Variants in ARHGAP10 observed in about 807,000 individuals in gnomAD.
ARHGAP10 encodes Rho GTPase activating protein 10, also known as rho GTPase-activating protein 10.
In ARHGAP10, 87 loss-of-function variants were observed where a neutral mutation model predicts 108.6. That is an observed-to-expected ratio of 0.80 (90% CI 0.67 to 0.96). The LOEUF is 0.96. ARHGAP10 is among the 40% of genes least tolerant of loss of function. The probability of loss-of-function intolerance (pLI) is 0.00; values close to 1 mark genes in which losing one functional copy is unlikely to be tolerated. For missense variants in ARHGAP10, 939 were observed against 954.5 expected (o/e 0.98, Z 0.21); for synonymous variants, 347 against 341.1 (o/e 1.02, Z -0.19).
At chr4:147,741,800 A>ACGCACACACACG (rs139305144) in intron 1 of ARHGAP10, among the ~76,000 whole-genome samples, 11 of 139,054 alleles carry the variant, frequency 7.9e-5, no homozygotes, top group East Asian at 2.0e-4. Flanking sequence ...ACGCACACAC[A>ACGCACACACACG]CACACACACA....
At chr4:148,025,047 A>G (rs1741714184) in intron 19 of ARHGAP10, among the ~76,000 whole-genome samples, 1 of 152,234 alleles carries the variant, frequency 6.6e-6, no homozygotes. Context: ...GAATCGTAAT[A>G]TCCAGTCAAA....
intron 18 of ARHGAP10, among the ~76,000 whole-genome samples, chr4:147,978,836 T>C (rs139292633): frequency 3.3e-5 from 5 of 152,346 alleles, no homozygotes; most frequent in East Asian, 3.9e-4. Context: ...TTTTTTCATA[T>C]GTTTTTTGGC....
intron 22 of ARHGAP10, among the ~76,000 whole-genome samples, chr4:148,067,441 G>A (rs1729945926): frequency 6.6e-6 from 1 of 152,176 alleles, no homozygotes; most frequent in East Asian, 1.9e-4. Flanking sequence ...AAGACAGACT[G>A]GCAGGTCATC....
chr4:147,779,614 T>A (rs995606215), intron 1 of ARHGAP10, among the ~76,000 whole-genome samples: 3 of 152,070 alleles, frequency 2.0e-5, no homozygotes, highest in African/African-American at 7.2e-5. Flanking sequence ...GACCCAACAT[T>A]TCCTTCAGTT....
In ARHGAP10 at chr4:147,846,177, C is replaced by T. The variant is rs142639443; in HGVS notation, c.313-974C>T. Among the ~76,000 whole-genome samples the T allele has an allele frequency of 7.0e-4, 106 of 152,202 alleles. No individual in the cohort carries two copies. In the East Asian group the frequency reaches 0.016, roughly 23 times the overall value. ...AGTCGCTTATTTTGAGTGTTCCCTA[C>T]GTTAGAGTATGAAGGTCTCTTTGGG... On this transcript the variant is annotated intron_variant, in intron 3 of 22. Transcript: ENST00000336498.
intron 1 of ARHGAP10, among the ~76,000 whole-genome samples, chr4:147,759,451 G>A (rs1022152426): frequency 2.6e-5 from 4 of 152,114 alleles, no homozygotes; most frequent in Non-Finnish European, 5.9e-5. Context: ...GCATGTGCCT[G>A]TAGTACCAGT....
In ARHGAP10 at chr4:147,910,985, A is replaced by T. The variant is rs547470021; in HGVS notation, c.1162+1208A>T. ...TCCTTTGTTCTTTTCTTCTTCTGAC[A>T]CCTTTTCTTCCTTCCTCCCTCCTCC... On this transcript the variant is annotated intron_variant, in intron 12 of 22. Coordinates refer to ENST00000336498, the MANE Select transcript of ARHGAP10 (RefSeq NM_024605.4). Among the ~76,000 whole-genome samples the T allele has an allele frequency of 3.3e-5, 5 of 151,340 alleles. No homozygotes were observed. In the South Asian group the frequency reaches 1.0e-3, roughly 32 times the overall value.
chr4:147,809,770 A>C (rs770017404), intron 1 of ARHGAP10, among the ~76,000 whole-genome samples: 4 of 152,126 alleles, frequency 2.6e-5, no homozygotes, highest in Non-Finnish European at 5.9e-5. Context: ...TTATCATTAG[A>C]TTCTCATAAG....
chr4:147,732,384 A>T lies in ARHGAP10; in HGVS notation c.83A>T (p.Glu28Val). The T allele has an allele frequency of 6.2e-7, 1 of 1,613,448 alleles. No homozygotes were observed. The highest frequency in any genetic ancestry group is 8.5e-7 in the Non-Finnish European group (1 of 1,179,650). ...GAGAGGATCCGCGCTCACGAAGCGG[A>T]ACTCGAGAGGACCAACAAGTTCATC... ...FRERIRAHEA[E>V]LERTNKFIKE... Residue 28 changes from glutamate (E) to valine (V), a missense_variant, in exon 1 of 23, where the codon GAA becomes GTA. Coordinates refer to ENST00000336498, the MANE Select transcript of ARHGAP10 (RefSeq NM_024605.4).
At chr4:147,782,409 G>A (rs1730572077) in intron 1 of ARHGAP10, among the ~76,000 whole-genome samples, 1 of 152,092 alleles carries the variant, frequency 6.6e-6, no homozygotes, top group South Asian at 2.1e-4. Context: ...TCAGGAGTGG[G>A]TTCTTCCGGT....
rs983078842 is a variant in ARHGAP10, at chr4:147,878,159, G to A, written c.833-1073G>A. On this transcript the variant is annotated intron_variant, in intron 8 of 22. Transcript: ENST00000336498. ...CACCCAGGCTGGAGTGCAGTGGCGC[G>A]ATCTCAGCTCACTGCAACCTCTGCC... Among the ~76,000 whole-genome samples the A allele has an allele frequency of 1.3e-4, 20 of 151,832 alleles. 1 individual carries two copies. Among genetic ancestry groups the A allele is most frequent in the African/African-American group, 3.6e-4 (15 of 41,386 alleles).
intron 13 of ARHGAP10, among the ~76,000 whole-genome samples, chr4:147,938,576 G>T (rs531216708): frequency 3.9e-5 from 6 of 152,262 alleles, no homozygotes; most frequent in African/African-American, 1.4e-4. Flanking sequence ...TAGAGACTCC[G>T]AGAGGTTTCC....
intron 17 of ARHGAP10, among the ~76,000 whole-genome samples, chr4:147,965,639 G>T (rs993866935): frequency 6.6e-6 from 1 of 152,160 alleles, no homozygotes; most frequent in Non-Finnish European, 1.5e-5. Flanking sequence ...GCTGAAGAAC[G>T]CTATATTTTA....
intron 1 of ARHGAP10, among the ~76,000 whole-genome samples, chr4:147,797,872 G>A (rs911504681): frequency 1.3e-5 from 2 of 152,140 alleles, no homozygotes; most frequent in East Asian, 3.9e-4. Context: ...ATCTTTTTTA[G>A]TGGCATCCCA....
chr4:147,995,363 C>T (rs941931306), intron 18 of ARHGAP10, among the ~76,000 whole-genome samples: 2 of 152,236 alleles, frequency 1.3e-5, no homozygotes, highest in South Asian at 2.1e-4. Context: ...GTTAGAAACC[C>T]TGGCTCTAGG....
At chr4:147,873,719 C>CACACACACAA (rs1420323318) in intron 7 of ARHGAP10, among the ~76,000 whole-genome samples, 1 of 150,858 alleles carries the variant, frequency 6.6e-6, no homozygotes, top group African/African-American at 2.4e-5. Flanking sequence ...CACACACACA[C>CACACACACAA]ACACTCTTGG....
chr4:147,868,131 A>G (rs907873512), intron 7 of ARHGAP10, among the ~76,000 whole-genome samples: 16 of 152,188 alleles, frequency 1.1e-4, no homozygotes, highest in Non-Finnish European at 1.8e-4. Flanking sequence ...TATGACTATA[A>G]TGTGACAAAA....
chr4:148,047,162 GCCCTT>G lies in ARHGAP10; in HGVS notation c.2027+112_2027+116del, dbSNP rs1728926187. 20 of 1,333,594 alleles carry G rather than the reference GCCCTT, an allele frequency of 1.5e-5. No individual in the cohort carries two copies. The East Asian group carries it at 4.9e-4, about 33-fold the overall frequency. 82.6% of individuals were successfully genotyped at this position (1,333,594 alleles called of 1,614,324 possible). ...GGTGCTGAAGCCATTAGATCTAGGA[GCCCTT>G]GTTTTCTTATCAGAAGGGCCACCAA... On this transcript the variant is annotated intron_variant, in intron 20 of 22. Coordinates refer to ENST00000336498, the MANE Select transcript of ARHGAP10 (RefSeq NM_024605.4).
At chr4:147,776,160 T>G (rs150769321) in intron 1 of ARHGAP10, among the ~76,000 whole-genome samples, 1 of 152,186 alleles carries the variant, frequency 6.6e-6, no homozygotes, top group Non-Finnish European at 1.5e-5. Context: ...TGTGTAGACC[T>G]GCTAGTGGCA....
Sources: allele counts gnomAD v4.1 joint callset (sites outside exome capture counted in the v4.1 genomes callset), GRCh38; gene constraint gnomAD v4.1.1; transcripts MANE v1.5; gene names NCBI Gene and HGNC (gene_info 2026-07-23, HGNC 2026-07-21).